Variants in GNA12 observed in about 807,000 individuals in gnomAD.
GNA12 encodes G protein subunit alpha 12.
Under a neutral mutation model 26.0 loss-of-function variants are expected in GNA12, and 9 were observed. The observed-to-expected ratio is 0.35, with a 90% confidence interval of 0.21 to 0.60. The LOEUF (loss-of-function observed/expected upper bound fraction) is 0.60. Ranked by LOEUF, GNA12 falls within the 20% of genes least tolerant of loss-of-function variation. The pLI is 0.78. For synonymous variants in GNA12, 264 were observed against 219.6 expected (o/e 1.20, Z -1.79); for missense variants, 405 against 525.8 (o/e 0.77, Z 2.25).
intron 1 of GNA12, among the ~76,000 whole-genome samples, chr7:2,802,656 G>T (rs1792839981): frequency 6.6e-6 from 1 of 152,132 alleles, no homozygotes; most frequent in Admixed American, 6.5e-5. Context: ...GTTCACTCGG[G>T]CAACAGCATG....
In GNA12 at chr7:2,729,872, G is replaced by C. The variant is rs1211855359; in HGVS notation, c.*1309C>G. ...TAAACACAGTGAAAGCCACCTGGCA[G>C]GTAGCTGGACAAGTGAGCTGGGCCC... On this transcript the variant is annotated 3_prime_UTR_variant, in exon 4 of 4. Coordinates refer to ENST00000275364, the MANE Select transcript of GNA12 (RefSeq NM_007353.3). 2 of 152,420 alleles carry C rather than the reference G, an allele frequency of 1.3e-5. No homozygotes were observed. Among genetic ancestry groups the C allele is most frequent in the South Asian group, 2.1e-4 (1 of 4,830 alleles). 9.4% of individuals were successfully genotyped at this position (152,420 alleles called of 1,614,324 possible).
intron 1 of GNA12, among the ~76,000 whole-genome samples, chr7:2,831,356 A>T (rs1793601735): frequency 6.6e-6 from 1 of 152,004 alleles, no homozygotes; most frequent in South Asian, 2.1e-4. Context: ...CTTAGGGAAA[A>T]ACAGTTCCTC....
chr7:2,791,031 T>A (rs1328752697), intron 2 of GNA12, among the ~76,000 whole-genome samples: 1 of 151,872 alleles, frequency 6.6e-6, no homozygotes, highest in Non-Finnish European at 1.5e-5. Flanking sequence ...AGATAATTCA[T>A]CCACATTTGT....
chr7:2,744,311 T>G (rs903876073), intron 2 of GNA12, among the ~76,000 whole-genome samples: 6 of 152,142 alleles, frequency 3.9e-5, no homozygotes, highest in African/African-American at 1.4e-4. Flanking sequence ...GGTACTCCTC[T>G]GAGACAAAAC....
chr7:2,814,864 A>G, intron 1 of GNA12: 1 of 1,601,162 alleles, frequency 6.2e-7, no homozygotes, highest in Non-Finnish European at 8.5e-7. Flanking sequence ...TCCCCTCCAC[A>G]GCACTCACTC....
chr7:2,841,573 G>A (rs996893514), intron 1 of GNA12, among the ~76,000 whole-genome samples: 6 of 150,628 alleles, frequency 4.0e-5, no homozygotes, highest in Non-Finnish European at 2.9e-5. Flanking sequence ...CTGACGCACC[G>A]AGAGGCTTGG....
At chr7:2,816,236 A>T (rs890638359) in intron 1 of GNA12, among the ~76,000 whole-genome samples, 2 of 105,718 alleles carry the variant, frequency 1.9e-5, no homozygotes, top group Non-Finnish European at 4.3e-5. Context: ...CTGCTCACCA[A>T]ATCCTTTTTT....
At position 2,763,191 on chromosome 7, in the gene GNA12, A is replaced by AACACACACACACACAC. The variant is rs56384682; in HGVS notation, c.526-29706_526-29691dup. 1,484 of 222,642 alleles carry AACACACACACACACAC rather than the reference A, an allele frequency of 6.7e-3. 25 individuals are homozygous for AACACACACACACACAC. The highest frequency in any genetic ancestry group is 0.011 in the African/African-American group (398 of 37,016). The allele number at this position is 222,642 out of a possible 1,614,324, so 13.8% of individuals were successfully genotyped here. A position where few individuals can be genotyped will look rare whatever the true frequency, so the allele number is the denominator to read the frequency against. ...TTAGCAGGACTTCACAAGACACCCC[A>AACACACACACACACAC]ACACACACACACACACACACACACA... On this transcript the variant is annotated intron_variant, in intron 2 of 3. Coordinates refer to ENST00000275364, the MANE Select transcript of GNA12 (RefSeq NM_007353.3).
intron 2 of GNA12, among the ~76,000 whole-genome samples, chr7:2,760,768 C>G (rs934866336): frequency 6.6e-6 from 1 of 152,248 alleles, no homozygotes; most frequent in African/African-American, 2.4e-5. Context: ...CTAGGGACAG[C>G]GTCGAGCTCC....
chr7:2,747,874 C>T (rs1184751127), intron 2 of GNA12, among the ~76,000 whole-genome samples: 3 of 152,070 alleles, frequency 2.0e-5, no homozygotes, highest in African/African-American at 7.2e-5. Context: ...CAATAACAGA[C>T]AAACAGCCAA....
chr7:2,752,264 C>T (rs546940919), intron 2 of GNA12, among the ~76,000 whole-genome samples: 1 of 152,256 alleles, frequency 6.6e-6, no homozygotes, highest in South Asian at 2.1e-4. Flanking sequence ...AGTCCTCTCT[C>T]ACCAGACTAA....
chr7:2,782,844 C>T (rs1739854375), intron 2 of GNA12, among the ~76,000 whole-genome samples: 1 of 152,060 alleles, frequency 6.6e-6, no homozygotes, highest in South Asian at 2.1e-4. Flanking sequence ...CCCTTTTTGT[C>T]TCTCAGCTCT....
chr7:2,751,931 G>A (rs1200857649), intron 2 of GNA12, among the ~76,000 whole-genome samples: 2 of 152,084 alleles, frequency 1.3e-5, no homozygotes, highest in Non-Finnish European at 2.9e-5. Flanking sequence ...ACGTAAAGAA[G>A]AAATAACACT....
chr7:2,749,030 T>C (rs1419971358), intron 2 of GNA12, among the ~76,000 whole-genome samples: 2 of 152,132 alleles, frequency 1.3e-5, no homozygotes, highest in Non-Finnish European at 2.9e-5. Flanking sequence ...GGAGAGGATG[T>C]GGAGAAATAG....
intron 2 of GNA12, among the ~76,000 whole-genome samples, chr7:2,748,507 A>C (rs2115352920): frequency 6.6e-6 from 1 of 152,258 alleles, no homozygotes. Context: ...ACAAAAATTA[A>C]TTCAAGATGG....
intron 2 of GNA12, among the ~76,000 whole-genome samples, chr7:2,751,778 G>A (rs975956798): frequency 2.0e-5 from 3 of 152,034 alleles, no homozygotes; most frequent in African/African-American, 7.3e-5. Context: ...TGGACAAATT[G>A]CTTTAAAAAA....
At chr7:2,778,171 C>T (rs1006402681) in intron 2 of GNA12, among the ~76,000 whole-genome samples, 2 of 151,818 alleles carry the variant, frequency 1.3e-5, no homozygotes, top group Non-Finnish European at 2.9e-5. Context: ...TGAGAAGAGA[C>T]TTAAAAAAAA....
chr7:2,778,796 G>A (rs893313829), intron 2 of GNA12, among the ~76,000 whole-genome samples: 1 of 152,140 alleles, frequency 6.6e-6, no homozygotes, highest in Non-Finnish European at 1.5e-5. Flanking sequence ...AATATGTAGC[G>A]AAAATGGTGA....
At chr7:2,770,057 T>G (rs1791910214) in intron 2 of GNA12, among the ~76,000 whole-genome samples, 1 of 152,214 alleles carries the variant, frequency 6.6e-6, no homozygotes, top group Admixed American at 6.5e-5. Context: ...GAGCTAAGAT[T>G]CAATTCAAGC....
Sources: gnomAD v4.1 joint callset for allele counts (sites outside exome capture counted in the v4.1 genomes callset) on GRCh38, gnomAD v4.1.1 for gene constraint, MANE v1.5 for transcripts, NCBI Gene and HGNC (gene_info 2026-07-23, HGNC 2026-07-21) for gene names.